PPM1H: variants seen among roughly 807,000 people sequenced by gnomAD.
The protein encoded by PPM1H is protein phosphatase, Mg2+/Mn2+ dependent 1H, also known as protein phosphatase 1H.
A neutral mutation model predicts 54.9 loss-of-function variants in PPM1H; 27 were observed. The ratio of observed to expected loss-of-function variants is 0.49; its 90% CI spans 0.36 to 0.68. The LOEUF is 0.68. PPM1H is among the 30% of genes least tolerant of loss of function. The probability of loss-of-function intolerance (pLI) is 0.00; values close to 1 mark genes in which losing one functional copy is unlikely to be tolerated. For missense variants in PPM1H, 596 were observed against 667.8 expected (o/e 0.89, Z 1.19); for synonymous variants, 305 against 270.8 (o/e 1.13, Z -1.24).
At chr12:62,697,010 G>A (rs2076118456) in intron 6 of PPM1H, among the ~76,000 whole-genome samples, 1 of 152,184 alleles carries the variant, frequency 6.6e-6, no homozygotes, top group Non-Finnish European at 1.5e-5. Context: ...AGAGGAAGGG[G>A]AATTTTCTGT....
At chr12:62,812,451 A>G (rs758246813) in intron 2 of PPM1H, among the ~76,000 whole-genome samples, 15 of 152,218 alleles carry the variant, frequency 9.9e-5, no homozygotes, top group Admixed American at 6.5e-5. Flanking sequence ...CTGACTTACC[A>G]TATAATTCAA....
Position 62,712,678 on chromosome 12 carries a change from C to A in PPM1H, c.1073+7493G>T, listed in dbSNP as rs116686290. On this transcript the variant is annotated intron_variant, in intron 6 of 9. Coordinates refer to ENST00000228705, the MANE Select transcript of PPM1H (RefSeq NM_020700.2). ...TGTAAAACTCAAGAGTCAAGCTGTTCAAAAATGTAGGCTTTCTAAGGTAGG... is the reference window on the plus strand; with the variant it reads ...TGTAAAACTCAAGAGTCAAGCTGTTAAAAAATGTAGGCTTTCTAAGGTAGG... Among the ~76,000 whole-genome samples the A allele has an allele frequency of 4.9e-3, 744 of 152,246 alleles. 4 individuals are homozygous for A. Among genetic ancestry groups the A allele is most frequent in the African/African-American group, 0.017 (702 of 41,558 alleles).
chr12:62,883,553 C>T (rs941535224), intron 1 of PPM1H, among the ~76,000 whole-genome samples: 5 of 152,148 alleles, frequency 3.3e-5, no homozygotes, highest in Non-Finnish European at 7.4e-5. Flanking sequence ...ATCAACATAG[C>T]ACCCAAACCT....
intron 6 of PPM1H, among the ~76,000 whole-genome samples, chr12:62,711,547 T>C (rs2120425567): frequency 6.6e-6 from 1 of 152,298 alleles, no homozygotes; most frequent in Admixed American, 6.5e-5. Flanking sequence ...ATCCCCAAAC[T>C]TCCCCAGATG....
intron 1 of PPM1H, among the ~76,000 whole-genome samples, chr12:62,855,092 A>T (rs2120948525): frequency 6.6e-6 from 1 of 151,830 alleles, no homozygotes; most frequent in East Asian, 1.9e-4. Context: ...TCCCCATGTG[A>T]TAAAGAATGT....
At chr12:62,911,907 G>A (rs1488219021) in intron 1 of PPM1H, among the ~76,000 whole-genome samples, 2 of 152,144 alleles carry the variant, frequency 1.3e-5, no homozygotes, top group Non-Finnish European at 2.9e-5. Flanking sequence ...CTTATCGCCT[G>A]ATCCTTAGGT....
chr12:62,802,775 G>T (rs562868078), intron 2 of PPM1H, among the ~76,000 whole-genome samples: 3 of 152,014 alleles, frequency 2.0e-5, no homozygotes, highest in South Asian at 2.1e-4. Flanking sequence ...GTAGAGATGG[G>T]GTTTCACCAT....
chr12:62,801,221 T>C (rs949234242), intron 3 of PPM1H, among the ~76,000 whole-genome samples: 1 of 152,174 alleles, frequency 6.6e-6, no homozygotes, highest in Admixed American at 6.5e-5. Context: ...AGTGCAATCG[T>C]ACCAGCTGGC....
intron 6 of PPM1H, among the ~76,000 whole-genome samples, chr12:62,701,052 G>A (rs1030289998): frequency 6.6e-6 from 1 of 152,006 alleles, no homozygotes; most frequent in Non-Finnish European, 1.5e-5. Flanking sequence ...TGCTACCTAT[G>A]GCATCTCCTA....
intron 2 of PPM1H, among the ~76,000 whole-genome samples, chr12:62,817,129 AAAAAAAAGAAAAAAAAAAAAACT>A (rs762118789): frequency 2.4e-5 from 3 of 123,926 alleles, no homozygotes; most frequent in African/African-American, 3.5e-5. Flanking sequence ...AAAAAAAAAA[AAAAAAAAGAAAAAAAAAAAAACT>A]AAAAAAAAGA....
Position 62,732,397 on chromosome 12 carries a change from A to G in PPM1H, c.954+5105T>C, listed in dbSNP as rs143447535. 1.7e-3 allele frequency among the ~76,000 whole-genome samples: 257 copies of G among 152,342 alleles called. 2 individuals are homozygous for G. The highest frequency in any genetic ancestry group is 6.0e-3 in the African/African-American group (251 of 41,570). On this transcript the variant is annotated intron_variant, in intron 5 of 9. Transcript: ENST00000228705. ...CCGAATGTCCAGACTGTGCATACCA[A>G]GAACACTGAACATTCCTCTTTGATG... is the stretch of plus-strand genomic sequence containing the variant.
At chr12:62,697,885 C>G (rs2076122848) in intron 6 of PPM1H, among the ~76,000 whole-genome samples, 1 of 151,930 alleles carries the variant, frequency 6.6e-6, no homozygotes, top group Admixed American at 6.6e-5. Flanking sequence ...GAAAGATTTT[C>G]TAGACAAACT....
chr12:62,822,069 A>G (rs1040211449), intron 2 of PPM1H, among the ~76,000 whole-genome samples: 18 of 150,912 alleles, frequency 1.2e-4, no homozygotes, highest in African/African-American at 3.9e-4. Flanking sequence ...AGATCTACCA[A>G]GCAAATGGAA....
chr12:62,702,883 T>A (rs944777085), intron 6 of PPM1H, among the ~76,000 whole-genome samples: 3 of 152,164 alleles, frequency 2.0e-5, no homozygotes, highest in Non-Finnish European at 4.4e-5. Context: ...CACACCAGGC[T>A]TGGGGTCAGA....
In PPM1H at chr12:62,668,396, C is replaced by T. The variant is rs190002388; in HGVS notation, c.1246-1067G>A. On this transcript the variant is annotated intron_variant, in intron 8 of 9. Transcript: ENST00000228705. Reference sequence around the variant, plus strand: ...CTATTTTCTGTCTTTCTAATTGAGACGGAGTCTCTCACTGTGTTGCCCAGG... The same window carrying T: ...CTATTTTCTGTCTTTCTAATTGAGATGGAGTCTCTCACTGTGTTGCCCAGG... 3.9e-5 allele frequency among the ~76,000 whole-genome samples: 6 copies of T among 152,324 alleles called. No individual in the cohort carries two copies. In the East Asian group the frequency reaches 5.8e-4, roughly 15 times the overall value.
chr12:62,789,570 C>T (rs992488842), intron 3 of PPM1H, among the ~76,000 whole-genome samples: 13 of 152,204 alleles, frequency 8.5e-5, no homozygotes, highest in Non-Finnish European at 1.0e-4. Flanking sequence ...AATGGTAAAA[C>T]GTTTATAATA....
chr12:62,917,441 C>T (rs1239947167), intron 1 of PPM1H, among the ~76,000 whole-genome samples: 1 of 152,088 alleles, frequency 6.6e-6, no homozygotes, highest in East Asian at 1.9e-4. Context: ...AACTTTTAGT[C>T]GACCCTAATT....
chr12:62,896,633 C>T (rs917621753), intron 1 of PPM1H, among the ~76,000 whole-genome samples: 39 of 152,264 alleles, frequency 2.6e-4, no homozygotes, highest in East Asian at 7.7e-4. Context: ...GAAATAGGAA[C>T]GCTTTTACAC....
chr12:62,699,129 T>A (rs1410337509), intron 6 of PPM1H, among the ~76,000 whole-genome samples: 1 of 152,240 alleles, frequency 6.6e-6, no homozygotes, highest in African/African-American at 2.4e-5. Flanking sequence ...TTCAAAAACA[T>A]CAAATTCAGC....
Sources: allele counts gnomAD v4.1 joint callset (sites outside exome capture counted in the v4.1 genomes callset), GRCh38; gene constraint gnomAD v4.1.1; transcripts MANE v1.5; gene names NCBI Gene and HGNC (gene_info 2026-07-23, HGNC 2026-07-21).